Variants in ANKRD7 observed in about 807,000 individuals in gnomAD.
ANKRD7 encodes the protein ankyrin repeat domain-containing protein 7.
Under a neutral mutation model 30.8 loss-of-function variants are expected in ANKRD7, and 30 were observed. The observed-to-expected ratio is 0.97, with a 90% confidence interval of 0.73 to 1.32. The LOEUF (loss-of-function observed/expected upper bound fraction) is 1.32. Among genes scored for constraint, ANKRD7 ranks in the 40% most tolerant of loss-of-function variants. ANKRD7 has a pLI of 0.00. For synonymous variants in ANKRD7, 97 were observed against 106.6 expected, an observed-to-expected ratio of 0.91 and a Z score of 0.55; for missense variants, 264 against 295.7, an observed-to-expected ratio of 0.89 and a Z score of 0.79.
chr7:118,239,633 C>T (rs1173221059), intron 5 of ANKRD7, among the ~76,000 whole-genome samples: 1 of 152,152 alleles, frequency 6.6e-6, no homozygotes, highest in Non-Finnish European at 1.5e-5. Flanking sequence ...CAAATGAATA[C>T]ACCAACTATA....
intron 3 of ANKRD7, among the ~76,000 whole-genome samples, chr7:118,235,633 A>G (rs1029326014): frequency 1.3e-5 from 2 of 151,012 alleles, no homozygotes; most frequent in Non-Finnish European, 2.9e-5. Flanking sequence ...AAAAAAAAAA[A>G]GCGTATTGAT....
At chr7:118,225,033 C>CG (rs1562870791) in intron 1 of ANKRD7, 24 bp downstream of exon 1, 1 of 1,611,788 alleles carries the variant, frequency 6.2e-7, no homozygotes, top group Admixed American at 1.7e-5. Flanking sequence ...AGAGCCAGCG[C>CG]GGGAGGACGG....
At chr7:118,228,771 A>G (rs1809585188) in intron 1 of ANKRD7, among the ~76,000 whole-genome samples, 1 of 152,174 alleles carries the variant, frequency 6.6e-6, no homozygotes, top group African/African-American at 2.4e-5. Context: ...TAAATCTAAC[A>G]TCCAAGCATT....
At chr7:118,241,779 T>C (rs915362779) in intron 6 of ANKRD7, among the ~76,000 whole-genome samples, 1 of 152,020 alleles carries the variant, frequency 6.6e-6, no homozygotes, top group African/African-American at 2.4e-5. Flanking sequence ...CCTCAGGTGA[T>C]CCGCCAGCCT....
At chr7:118,225,048 G>A in intron 1 of ANKRD7, 39 bp downstream of exon 1, 1 of 1,602,452 alleles carries the variant, frequency 6.2e-7, no homozygotes, top group Non-Finnish European at 8.5e-7. Flanking sequence ...GGACGGGTTG[G>A]GGCCTGGGTC....
intron 4 of ANKRD7, among the ~76,000 whole-genome samples, chr7:118,236,453 C>T (rs1017953035): frequency 6.6e-6 from 1 of 152,054 alleles, no homozygotes; most frequent in South Asian, 2.1e-4. Flanking sequence ...AGATGACCAA[C>T]TGTTGTAGTT....
In ANKRD7 at chr7:118,236,808, T is replaced by C. The variant is rs769059448; in HGVS notation, c.594T>C (p.Ala198=). The change falls in exon 5 of 7, where the codon GCT becomes GCC. Residue 198 remains alanine (A), a synonymous_variant. Coordinates refer to ENST00000265224, the MANE Select transcript of ANKRD7 (RefSeq NM_019644.4). ...DNYQRTALIL[A]VSGEPPCLVK... Reference sequence around the variant, plus strand: ...GCTCCAGAACAGCCCTTATTCTTGCTGTCAGTGGTGAACCACCATGTTTAG... The same window carrying C: ...GCTCCAGAACAGCCCTTATTCTTGCCGTCAGTGGTGAACCACCATGTTTAG... 2 of 1,613,938 alleles carry C rather than the reference T, an allele frequency of 1.2e-6. No homozygotes were observed. Among genetic ancestry groups the C allele is most frequent in the Admixed American group, 3.3e-5 (2 of 60,012 alleles).
At position 118,242,709 on chromosome 7, in the gene ANKRD7, T is replaced by C. The variant is rs572527207; in HGVS notation, c.*398T>C. 6.6e-6 allele frequency: 1 copy of C among 152,290 alleles called. No individual in the cohort carries two copies. The highest frequency in any genetic ancestry group is 1.9e-4 in the East Asian group (1 of 5,192). The allele number at this position is 152,290 out of a possible 1,614,324, so 9.4% of individuals were successfully genotyped here. A position where few individuals can be genotyped will look rare whatever the true frequency, so the allele number is the denominator to read the frequency against. On this transcript the variant is annotated 3_prime_UTR_variant, in exon 7 of 7. Coordinates refer to ENST00000265224, the MANE Select transcript of ANKRD7 (RefSeq NM_019644.4). ...AGCTACAAAGTGAAGGAAAACATTA[T>C]AAATAATCCTGTATAAATCAAAATT...
At chr7:118,239,470 G>A (rs2116026366) in intron 5 of ANKRD7, among the ~76,000 whole-genome samples, 1 of 152,212 alleles carries the variant, frequency 6.6e-6, no homozygotes, top group East Asian at 1.9e-4. Flanking sequence ...TATCTAAAAG[G>A]CAAATAAATG....
intron 1 of ANKRD7, among the ~76,000 whole-genome samples, chr7:118,230,076 C>G (rs1019994525): frequency 1.6e-4 from 24 of 151,992 alleles, no homozygotes; most frequent in African/African-American, 5.8e-4. Context: ...CAACATCATA[C>G]TGAATGTGGA....
Position 118,235,591 on chromosome 7 carries a change from A to G in ANKRD7, c.469-450A>G, listed in dbSNP as rs1451488666. On this transcript the variant is annotated intron_variant, in intron 3 of 6. Transcript: ENST00000265224. ...TGCGCCACTGCACTCCAGCCTGGGC[A>G]ACAGAGCAAGACTCTGTCTCAAAAA... is the stretch of plus-strand genomic sequence containing the variant. 4.7e-5 allele frequency among the ~76,000 whole-genome samples: 7 copies of G among 149,726 alleles called. No homozygotes were observed. The South Asian group carries it at 8.6e-4, about 18-fold the overall frequency.
At chr7:118,236,663 A>C (rs1809735427) in intron 4 of ANKRD7, 127 bp from the exon 5 acceptor site, 1 of 996,698 alleles carries the variant, frequency 1.0e-6, no homozygotes, top group Non-Finnish European at 1.5e-6. Context: ...TGTATTTTTT[A>C]CATTGTTGCT....
At chr7:118,228,855 C>T (rs1311049630) in intron 1 of ANKRD7, among the ~76,000 whole-genome samples, 1 of 152,174 alleles carries the variant, frequency 6.6e-6, no homozygotes, top group African/African-American at 2.4e-5. Flanking sequence ...ACAGTGGCCA[C>T]TTAACTACAC....
At chr7:118,230,429 C>T (rs1012502140) in intron 1 of ANKRD7, among the ~76,000 whole-genome samples, 3 of 150,930 alleles carry the variant, frequency 2.0e-5, no homozygotes, top group Admixed American at 6.6e-5. Flanking sequence ...CACCCCGAAT[C>T]TAAAAAAAAA....
rs144873669 is a variant in ANKRD7 at position 118,225,032 on chromosome 7, G to C, written c.179+23G>C. The C allele has an allele frequency of 3.9e-3, 6,344 of 1,612,186 alleles. 18 individuals carry two copies. Among genetic ancestry groups the C allele is most frequent in the Non-Finnish European group, 4.8e-3 (5,680 of 1,179,462 alleles). On this transcript the variant is annotated intron_variant, in intron 1 of 6. Coordinates refer to ENST00000265224, the MANE Select transcript of ANKRD7 (RefSeq NM_019644.4). ...CAGGTGACCAGACTGAAGAGCCAGC[G>C]CGGGAGGACGGGTTGGGGCCTGGGT...
Position 118,234,811 on chromosome 7 carries a change from T to C in ANKRD7, c.405T>C (p.Gly135=), listed in dbSNP as rs1370302948. ...CTGTTCTTCACTATGCTGTTTGTGG[T>C]CAAAGTTTGTCATTAGTTGAAAAAC... ...YNTVLHYAVC[G]QSLSLVEKLL... The change falls in exon 3 of 7, where the codon GGT becomes GGC. Residue 135 remains glycine, a synonymous_variant. Coordinates refer to ENST00000265224, the MANE Select transcript of ANKRD7 (RefSeq NM_019644.4). 1.9e-6 allele frequency: 3 copies of C among 1,612,380 alleles called. No individual in the cohort carries two copies. The highest frequency in any genetic ancestry group is 2.5e-6 in the Non-Finnish European group (3 of 1,179,634).
At chr7:118,238,489 G>C (rs1809771780) in intron 5 of ANKRD7, among the ~76,000 whole-genome samples, 1 of 152,074 alleles carries the variant, frequency 6.6e-6, no homozygotes, top group Admixed American at 6.5e-5. Context: ...CTGTAATTGT[G>C]ACTTTTGTTG....
chr7:118,227,742 G>A (rs1174563189), intron 1 of ANKRD7, among the ~76,000 whole-genome samples: 1 of 152,056 alleles, frequency 6.6e-6, no homozygotes, highest in Non-Finnish European at 1.5e-5. Flanking sequence ...TAGGTGTTTG[G>A]CATTAGTAAC....
At chr7:118,231,736 A>G (rs1442492155) in intron 1 of ANKRD7, among the ~76,000 whole-genome samples, 3 of 152,068 alleles carry the variant, frequency 2.0e-5, no homozygotes, top group East Asian at 1.9e-4. Flanking sequence ...AATTTCTGGT[A>G]TCTGATCATT....
Sources: gnomAD v4.1 joint callset for allele counts (sites outside exome capture counted in the v4.1 genomes callset) on GRCh38, gnomAD v4.1.1 for gene constraint, MANE v1.5 for transcripts, NCBI Gene and HGNC (gene_info 2026-07-23, HGNC 2026-07-21) for gene names.